CNTN5: variants seen among roughly 807,000 people sequenced by gnomAD.
CNTN5 encodes the protein contactin 5.
A neutral mutation model predicts 129.1 loss-of-function variants in CNTN5; 77 were observed. The ratio of observed to expected loss-of-function variants is 0.60; its 90% CI spans 0.50 to 0.72. The LOEUF is 0.72. CNTN5 is among the 30% of genes least tolerant of loss of function. The pLI is 0.00. For missense variants in CNTN5, 1,478 were observed against 1,328.8 expected (o/e 1.11, Z -1.75); for synonymous variants, 509 against 465.6 (o/e 1.09, Z -1.20).
chr11:99,698,258 TTC>T (rs1313275074), intron 3 of CNTN5, among the ~76,000 whole-genome samples: 2 of 106,802 alleles, frequency 1.9e-5, no homozygotes, highest in Non-Finnish European at 3.8e-5. Context: ...TTCAAATATT[TTC>T]TGTTTAACAG....
At chr11:99,782,582 G>T (rs866567261) in intron 3 of CNTN5, among the ~76,000 whole-genome samples, 1 of 151,280 alleles carries the variant, frequency 6.6e-6, no homozygotes, top group Non-Finnish European at 1.5e-5. Flanking sequence ...AAACTATACT[G>T]CAAGGCTACA....
chr11:99,164,776 G>A (rs1006074240), intron 1 of CNTN5, among the ~76,000 whole-genome samples: 4 of 152,084 alleles, frequency 2.6e-5, no homozygotes, highest in Admixed American at 2.6e-4. Flanking sequence ...TGCAGCACAA[G>A]TTGAGTATGA....
intron 3 of CNTN5, among the ~76,000 whole-genome samples, chr11:99,723,892 G>C (rs10893791): frequency 0.45 from 69,132 of 151,972 alleles, 16,285 homozygotes; most frequent in East Asian, 0.68. Context: ...CACATTCTAA[G>C]GGCCAGTTAG....
chr11:99,075,457 T>A (rs771341397), intron 1 of CNTN5, among the ~76,000 whole-genome samples: 7 of 152,168 alleles, frequency 4.6e-5, no homozygotes, highest in African/African-American at 7.2e-5. Flanking sequence ...ATGTGACTGG[T>A]CATCATCTAA....
chr11:99,153,491 T>G (rs1565360054), intron 1 of CNTN5, among the ~76,000 whole-genome samples: 1 of 151,632 alleles, frequency 6.6e-6, no homozygotes, highest in Admixed American at 6.6e-5. Flanking sequence ...AGATCAGGTT[T>G]TTTTTTTTTT....
chr11:99,586,858 T>G (rs868713675), intron 3 of CNTN5, among the ~76,000 whole-genome samples: 5 of 152,150 alleles, frequency 3.3e-5, no homozygotes, highest in Admixed American at 1.3e-4. Flanking sequence ...GTCACCAAAA[T>G]AAAGTAAAAA....
At chr11:99,490,252 A>G (rs1240673711) in intron 2 of CNTN5, among the ~76,000 whole-genome samples, 1 of 152,200 alleles carries the variant, frequency 6.6e-6, no homozygotes, top group African/African-American at 2.4e-5. Context: ...ACCAATTTTG[A>G]CCAACTCAAG....
chr11:99,600,876 G>C (rs1488135556), intron 3 of CNTN5, among the ~76,000 whole-genome samples: 3 of 152,194 alleles, frequency 2.0e-5, no homozygotes, highest in Non-Finnish European at 4.4e-5. Flanking sequence ...TTTGGGTCCA[G>C]TTGATCATTG....
At chr11:99,844,292 CTTAT>C (rs779340515) in intron 4 of CNTN5, among the ~76,000 whole-genome samples, 2 of 151,958 alleles carry the variant, frequency 1.3e-5, no homozygotes, top group Non-Finnish European at 2.9e-5. Flanking sequence ...GAAAGCATGT[CTTAT>C]TTATTCCATG....
At chr11:100,183,638 A>AT (rs1948206579) in intron 13 of CNTN5, among the ~76,000 whole-genome samples, 1 of 152,102 alleles carries the variant, frequency 6.6e-6, no homozygotes, top group Non-Finnish European at 1.5e-5. Context: ...GGCTGGGGGA[A>AT]TGCAAGGGAA....
At chr11:99,177,503 T>C (rs1464990679) in intron 1 of CNTN5, among the ~76,000 whole-genome samples, 2 of 152,190 alleles carry the variant, frequency 1.3e-5, no homozygotes, top group Non-Finnish European at 2.9e-5. Context: ...CTGTTTGTTT[T>C]CATGAAAATC....
At chr11:99,076,227 C>A (rs1865562751) in intron 1 of CNTN5, among the ~76,000 whole-genome samples, 1 of 151,996 alleles carries the variant, frequency 6.6e-6, no homozygotes, top group South Asian at 2.1e-4. Context: ...CTCAGCTATT[C>A]AGGAGGCTGA....
intron 3 of CNTN5, among the ~76,000 whole-genome samples, chr11:99,647,148 A>G (rs951107857): frequency 1.3e-5 from 2 of 152,028 alleles, no homozygotes; most frequent in Admixed American, 1.3e-4. Flanking sequence ...TTCTTCTAGT[A>G]GTTTTATAGT....
chr11:99,456,398 G>T (rs960538857), intron 2 of CNTN5, among the ~76,000 whole-genome samples: 1 of 152,090 alleles, frequency 6.6e-6, no homozygotes, highest in Non-Finnish European at 1.5e-5. Flanking sequence ...GAGTATGAAT[G>T]AATGTTAAAT....
intron 3 of CNTN5, among the ~76,000 whole-genome samples, chr11:99,706,843 T>C (rs1320770512): frequency 2.1e-5 from 3 of 141,486 alleles, no homozygotes; most frequent in African/African-American, 7.4e-5. Context: ...GTCTGGTCTT[T>C]TTTTTTTTTT....
chr11:100,170,570 T>C (rs1268634427), intron 13 of CNTN5, among the ~76,000 whole-genome samples: 2 of 151,992 alleles, frequency 1.3e-5, no homozygotes, highest in East Asian at 1.9e-4. Flanking sequence ...ACCACAGAAA[T>C]TAGCTCTTGA....
intron 1 of CNTN5, among the ~76,000 whole-genome samples, chr11:99,248,364 C>A (rs917799134): frequency 6.6e-6 from 1 of 151,954 alleles, no homozygotes; most frequent in Non-Finnish European, 1.5e-5. Context: ...GGATATTAGC[C>A]CTTTGTCAGA....
At chr11:100,112,182 A>G (rs1945677827) in intron 13 of CNTN5, among the ~76,000 whole-genome samples, 1 of 152,152 alleles carries the variant, frequency 6.6e-6, no homozygotes, top group Non-Finnish European at 1.5e-5. Flanking sequence ...AGACTGCTTT[A>G]CCATGTTCTT....
intron 3 of CNTN5, among the ~76,000 whole-genome samples, chr11:99,636,152 G>T (rs674682): frequency 0.61 from 93,144 of 151,522 alleles, 29,246 homozygotes; most frequent in Admixed American, 0.7. Flanking sequence ...ATATACCAAT[G>T]GACACTTCAT....
Sources: gnomAD v4.1 joint callset for allele counts (sites outside exome capture counted in the v4.1 genomes callset) on GRCh38, gnomAD v4.1.1 for gene constraint, MANE v1.5 for transcripts, NCBI Gene and HGNC (gene_info 2026-07-23, HGNC 2026-07-21) for gene names.